SLC7A11: variants seen among roughly 807,000 people sequenced by gnomAD.
SLC7A11 encodes the protein solute carrier family 7 member 11, also known as cystine/glutamate transporter.
In SLC7A11, 35 loss-of-function variants were observed where a neutral mutation model predicts 54.5. The observed-to-expected ratio is 0.64, with a 90% CI of 0.49 to 0.85. The LOEUF is 0.85. Ranked by LOEUF, SLC7A11 falls within the 40% of genes least tolerant of loss-of-function variation. The pLI is 0.00. For synonymous variants in SLC7A11, 230 were observed against 225.2 expected (o/e 1.02, Z -0.19); for missense variants, 583 against 618.1 (o/e 0.94, Z 0.60).
chr4:138,236,451 C>T lies in SLC7A11; in HGVS notation c.278G>A (p.Gly93Glu). The change falls in exon 2 of 12, where the codon GGA (glycine) becomes GAA (glutamate). Residue 93 changes from glycine to glutamate, a missense_variant and splice_region_variant. By Grantham distance (98) the Gly-to-Glu change is moderately conservative (BLOSUM62 -2). Transcript: ENST00000280612. ...WTVCGVLSLF[G>E]ALSYAELGTT... Reference sequence around the variant, plus strand: ...TCCCAATTCAGCATAAGACAAAGCTCCTGTGAAATATTTGTCACAAAATGG... The same window carrying T: ...TCCCAATTCAGCATAAGACAAAGCTTCTGTGAAATATTTGTCACAAAATGG... 1 of 1,600,870 alleles carries T rather than the reference C, an allele frequency of 6.2e-7. No homozygotes were observed.
chr4:138,203,245 T>C (rs1360447917), intron 6 of SLC7A11, among the ~76,000 whole-genome samples: 1 of 152,112 alleles, frequency 6.6e-6, no homozygotes, highest in East Asian at 1.9e-4. Flanking sequence ...CATTAGTGTG[T>C]CATTTTTTCA....
rs1736343479 is a variant in SLC7A11 at position 138,169,113 on chromosome 4, T to C, written c.*2843A>G. 6.6e-6 allele frequency: 1 copy of C among 152,138 alleles called. No individual in the cohort carries two copies. Among genetic ancestry groups the C allele is most frequent in the South Asian group, 2.1e-4 (1 of 4,830 alleles). 9.4% of individuals were successfully genotyped at this position (152,138 alleles called of 1,614,324 possible). On this transcript the variant is annotated 3_prime_UTR_variant, in exon 12 of 12. Coordinates refer to ENST00000280612, the MANE Select transcript of SLC7A11 (RefSeq NM_014331.4). The stretch of plus-strand genomic sequence containing the variant: ...GTTTATGTTATAATAAACTTATGTA[T>C]ATAAACATTTGAATATGCATGGTAC...
intron 1 of SLC7A11, among the ~76,000 whole-genome samples, chr4:138,237,234 G>T (rs992147597): frequency 6.6e-6 from 1 of 151,808 alleles, no homozygotes; most frequent in Non-Finnish European, 1.5e-5. Context: ...TGATCTGCCC[G>T]CCTTGGTCTC....
At chr4:138,232,556 C>T (rs993430402) in intron 2 of SLC7A11, among the ~76,000 whole-genome samples, 174 bp from the exon 3 acceptor site, 3 of 152,198 alleles carry the variant, frequency 2.0e-5, no homozygotes, top group African/African-American at 7.2e-5. Context: ...GAAGTACTTC[C>T]TGTAACACTG....
intron 6 of SLC7A11, among the ~76,000 whole-genome samples, chr4:138,208,138 A>G (rs1737454221): frequency 6.6e-6 from 1 of 152,084 alleles, no homozygotes; most frequent in Admixed American, 6.6e-5. Flanking sequence ...GCATCAATTA[A>G]TATAAACTGG....
chr4:138,229,273 C>CT (rs1738018571), intron 3 of SLC7A11, among the ~76,000 whole-genome samples: 1 of 152,010 alleles, frequency 6.6e-6, no homozygotes, highest in Non-Finnish European at 1.5e-5. Flanking sequence ...AGAGATTTGC[C>CT]CCTAGATAAA....
chr4:138,172,022 A>G lies in SLC7A11; in HGVS notation c.1445-5T>C. On this transcript the variant is annotated splice_region_variant and splice_polypyrimidine_tract_variant and intron_variant, in intron 11 of 11. Transcript: ENST00000280612. ...GTAATGTTCTGGTTATTTTCTCTAC[A>G]AAGAAATAAAAATGAATTAAAAATG... The G allele has an allele frequency of 6.4e-7, 1 of 1,573,164 alleles. No individual in the cohort carries two copies. The highest frequency in any genetic ancestry group is 1.2e-5 in the South Asian group (1 of 83,498).
chr4:138,171,340 GC>G lies in SLC7A11; in HGVS notation c.*615del, dbSNP rs1196398077. ...TCCTGGATGTGTCTCATAAACAGTA[GC>G]CCCTAGAAACTCTTCTTTAATGTAT... is the stretch of plus-strand genomic sequence containing the variant. On this transcript the variant is annotated 3_prime_UTR_variant, in exon 12 of 12. Coordinates refer to ENST00000280612, the MANE Select transcript of SLC7A11 (RefSeq NM_014331.4). The G allele has an allele frequency of 6.6e-6, 1 of 152,070 alleles. No individual in the cohort carries two copies. The highest frequency in any genetic ancestry group is 1.5e-5 in the Non-Finnish European group (1 of 67,992). 9.4% of individuals were successfully genotyped at this position (152,070 alleles called of 1,614,324 possible).
At position 138,242,082 on chromosome 4, in the gene SLC7A11, C is replaced by T. The variant is rs1190091889; in HGVS notation, c.-13G>A. 4.3e-6 allele frequency: 7 copies of T among 1,611,930 alleles called. No individual in the cohort carries two copies. The highest frequency in any genetic ancestry group is 1.1e-5 in the South Asian group (1 of 90,988). ...GCTTTCTGACCATAGTAGGGACACACGGGGGAAAAATAAAACAGAGGGAAA... is the reference window on the plus strand; with the variant it reads ...GCTTTCTGACCATAGTAGGGACACATGGGGGAAAAATAAAACAGAGGGAAA... On this transcript the variant is annotated 5_prime_UTR_variant, in exon 1 of 12. In the 5' UTR this introduces an upstream ATG that the reference lacks. Transcript: ENST00000280612.
intron 3 of SLC7A11, among the ~76,000 whole-genome samples, chr4:138,223,537 A>C (rs1357798509): frequency 6.6e-6 from 1 of 152,188 alleles, no homozygotes; most frequent in Non-Finnish European, 1.5e-5. Flanking sequence ...TGCACATTGA[A>C]GTTTGAGAAA....
At chr4:138,237,131 G>A (rs1279381890) in intron 1 of SLC7A11, among the ~76,000 whole-genome samples, 2 of 151,270 alleles carry the variant, frequency 1.3e-5, no homozygotes, top group Non-Finnish European at 2.9e-5. Context: ...GACTACAGGC[G>A]CCCGCCACCA....
At chr4:138,205,190 T>A (rs553922009) in intron 6 of SLC7A11, among the ~76,000 whole-genome samples, 1 of 152,156 alleles carries the variant, frequency 6.6e-6, no homozygotes, top group East Asian at 1.9e-4. Context: ...AAACAGCTAG[T>A]TAAAAAGAGA....
At chr4:138,230,623 T>G (rs1738055077) in intron 3 of SLC7A11, among the ~76,000 whole-genome samples, 1 of 152,144 alleles carries the variant, frequency 6.6e-6, no homozygotes, top group Non-Finnish European at 1.5e-5. Context: ...AATTCCAGGT[T>G]GTTTCCCTCC....
chr4:138,186,849 T>C (rs1214012517), intron 6 of SLC7A11, among the ~76,000 whole-genome samples: 1 of 152,162 alleles, frequency 6.6e-6, no homozygotes, highest in Non-Finnish European at 1.5e-5. Flanking sequence ...AGTGTATTAT[T>C]TTGACCTTGA....
intron 4 of SLC7A11, among the ~76,000 whole-genome samples, chr4:138,222,089 C>T (rs540778595): frequency 8.5e-5 from 13 of 152,202 alleles, no homozygotes; most frequent in African/African-American, 9.6e-5. Context: ...CAAGCTCTAA[C>T]GGTCAAAATC....
chr4:138,199,647 A>G (rs373540433), intron 6 of SLC7A11, among the ~76,000 whole-genome samples: 16 of 152,250 alleles, frequency 1.1e-4, no homozygotes, highest in African/African-American at 3.4e-4. Flanking sequence ...AGGTATTGCT[A>G]TAGAAATGGC....
Position 138,242,308 on chromosome 4 carries a change from A to ACTGCTG in SLC7A11, c.-245_-240dup, listed in dbSNP as rs953811634. The ACTGCTG allele has an allele frequency of 1.4e-4, 78 of 547,510 alleles. 1 individual carries two copies. The highest frequency in any genetic ancestry group is 3.1e-4 in the Admixed American group (10 of 32,208). The allele number at this position is 547,510 out of a possible 1,614,324, so 33.9% of individuals were successfully genotyped here. A position where few individuals can be genotyped will look rare whatever the true frequency, so the allele number is the denominator to read the frequency against. ...CAATTCTCCACCTCCTCGTTCCACCACTGCTGCTGCTGCTGCTGCTGCCGC... is the reference window on the plus strand; with the variant it reads ...CAATTCTCCACCTCCTCGTTCCACCACTGCTGCTGCTGCTGCTGCTGCTGCTGCCGC... On this transcript the variant is annotated 5_prime_UTR_variant, in exon 1 of 12. Coordinates refer to ENST00000280612, the MANE Select transcript of SLC7A11 (RefSeq NM_014331.4).
At chr4:138,209,536 AAG>A (rs1166729777) in intron 6 of SLC7A11, among the ~76,000 whole-genome samples, 2 of 146,378 alleles carry the variant, frequency 1.4e-5, no homozygotes, top group Non-Finnish European at 3.0e-5. Context: ...AACTTCAGTA[AAG>A]TTTCAAGATA....
At chr4:138,235,656 T>A (rs1019302379) in intron 2 of SLC7A11, among the ~76,000 whole-genome samples, 5 of 152,202 alleles carry the variant, frequency 3.3e-5, no homozygotes, top group African/African-American at 9.6e-5. Context: ...TATGACATCA[T>A]AAGCTTCCCA....
Sources: allele counts gnomAD v4.1 joint callset (sites outside exome capture counted in the v4.1 genomes callset), GRCh38; gene constraint gnomAD v4.1.1; transcripts MANE v1.5; gene names NCBI Gene and HGNC (gene_info 2026-07-23, HGNC 2026-07-21).